FOXP1: variants seen among roughly 807,000 people sequenced by gnomAD.
FOXP1 encodes forkhead box protein P1.
In FOXP1, 15 loss-of-function variants were observed where a neutral mutation model predicts 98.2. The observed-to-expected ratio is 0.15, with a 90% CI of 0.10 to 0.24. The LOEUF (loss-of-function observed/expected upper bound fraction) is 0.24, where lower values mean the gene tolerates loss of function less well. Ranked by LOEUF, FOXP1 falls within the 10% of genes least tolerant of loss-of-function variation. The pLI, the probability that FOXP1 is intolerant of heterozygous loss-of-function variation, is 1.00. For missense variants in FOXP1, 633 were observed against 848.5 expected (o/e 0.75, Z 3.15); for synonymous variants, 371 against 314.5 (o/e 1.18, Z -1.90).
At chr3:71,231,739 C>A (rs2066304569) in intron 5 of FOXP1, among the ~76,000 whole-genome samples, 1 of 152,126 alleles carries the variant, frequency 6.6e-6, no homozygotes. Flanking sequence ...CCCTATTTTT[C>A]TTTTTCATTA....
At chr3:71,466,787 G>A (rs2088796039) in intron 3 of FOXP1, among the ~76,000 whole-genome samples, 1 of 152,166 alleles carries the variant, frequency 6.6e-6, no homozygotes, top group South Asian at 2.1e-4. Context: ...TAGGGCAGGG[G>A]GTTGCATCTT....
At chr3:71,355,726 T>C (rs2078108339) in intron 4 of FOXP1, among the ~76,000 whole-genome samples, 1 of 152,184 alleles carries the variant, frequency 6.6e-6, no homozygotes, top group African/African-American at 2.4e-5. Context: ...TAAGTACTAC[T>C]ATAGGCTGGG....
intron 3 of FOXP1, among the ~76,000 whole-genome samples, chr3:71,366,223 T>C (rs1211853435): frequency 6.6e-6 from 1 of 152,182 alleles, no homozygotes; most frequent in Non-Finnish European, 1.5e-5. Context: ...CCCATTAATG[T>C]TTTATTATAA....
intron 4 of FOXP1, among the ~76,000 whole-genome samples, chr3:71,331,019 T>G (rs1007073573): frequency 3.9e-5 from 6 of 152,232 alleles, no homozygotes; most frequent in African/African-American, 1.4e-4. Context: ...TCGGCCTTGG[T>G]GCCCACTCTG....
intron 7 of FOXP1, among the ~76,000 whole-genome samples, chr3:71,080,871 G>T (rs1017494559): frequency 1.3e-5 from 2 of 152,130 alleles, no homozygotes; most frequent in Non-Finnish European, 2.9e-5. Context: ...CCTTCTTCTG[G>T]CTTAGCAAGC....
At chr3:71,390,548 G>A (rs1376800250) in intron 3 of FOXP1, among the ~76,000 whole-genome samples, 1 of 150,564 alleles carries the variant, frequency 6.6e-6, no homozygotes, top group Admixed American at 6.6e-5. Context: ...CTCATGGATG[G>A]GCGTCAGTAA....
At chr3:71,183,503 AC>A (rs1443042484) in intron 6 of FOXP1, among the ~76,000 whole-genome samples, 2 of 152,172 alleles carry the variant, frequency 1.3e-5, no homozygotes, top group Admixed American at 1.3e-4. Context: ...TGTCTCAAAA[AC>A]AAAACAAAAC....
intron 5 of FOXP1, among the ~76,000 whole-genome samples, chr3:71,218,919 C>G (rs1296826567): frequency 6.6e-6 from 1 of 152,132 alleles, no homozygotes; most frequent in Non-Finnish European, 1.5e-5. Flanking sequence ...GTCCCTTGTT[C>G]CTACAACCTT....
At chr3:71,141,917 A>G (rs1047960612) in intron 6 of FOXP1, among the ~76,000 whole-genome samples, 2 of 152,262 alleles carry the variant, frequency 1.3e-5, no homozygotes, top group Non-Finnish European at 2.9e-5. Flanking sequence ...AAGGAGCAGA[A>G]AGAAGGTTCA....
chr3:71,350,488 T>A (rs2077705470), intron 4 of FOXP1, among the ~76,000 whole-genome samples: 1 of 152,194 alleles, frequency 6.6e-6, no homozygotes, highest in African/African-American at 2.4e-5. Context: ...AAAGCAAGCA[T>A]CTTGCCTTAG....
rs2061993991 is a variant in FOXP1 at position 71,177,200 on chromosome 3, C to T, written c.180+21002G>A. The stretch of plus-strand genomic sequence containing the variant: ...TGTTCACTGGAAGGACACACTGCAA[C>T]AGGTGTGAAGCAGGACTCTCTCCCG... On this transcript the variant is annotated intron_variant, in intron 6 of 20. Coordinates refer to ENST00000649528, the MANE Select transcript of FOXP1 (RefSeq NM_001349338.3). 2.0e-5 allele frequency among the ~76,000 whole-genome samples: 3 copies of T among 152,200 alleles called. No homozygotes were observed. In the South Asian group the frequency reaches 6.2e-4, roughly 31 times the overall value.
intron 7 of FOXP1, among the ~76,000 whole-genome samples, chr3:71,059,303 T>G (rs2051144113): frequency 1.3e-5 from 2 of 152,172 alleles, no homozygotes; most frequent in Admixed American, 1.3e-4. Flanking sequence ...GAGCTCTTCT[T>G]TTTGTCTTTA....
upstream of FOXP1, chr3:71,583,919 C>G: frequency 3.0e-6 from 3 of 984,446 alleles, no homozygotes; most frequent in Non-Finnish European, 3.6e-6. Context: ...CCCCGCTGGG[C>G]ACTCCAGCGG....
intron 3 of FOXP1, among the ~76,000 whole-genome samples, chr3:71,404,901 T>C (rs559994873): frequency 1.3e-5 from 2 of 152,272 alleles, no homozygotes; most frequent in South Asian, 2.1e-4. Context: ...AGAATCCTCA[T>C]TCCCATGGCT....
chr3:70,955,311 G>A lies in FOXP1; in HGVS notation c.*3936C>T. On this transcript the variant is annotated 3_prime_UTR_variant, in exon 21 of 21. Transcript: ENST00000649528. ...TTTACTAGGTCTGACTGGATGCTGG[G>A]GATGGTGTTAGAGCTGTCCAAAGGT... The A allele has an allele frequency of 4.3e-6, 1 of 232,942 alleles. No homozygotes were observed. The highest frequency in any genetic ancestry group is 2.2e-5 in the African/African-American group (1 of 45,420). 14.4% of individuals were successfully genotyped at this position (232,942 alleles called of 1,614,324 possible). A position where few individuals can be genotyped will look rare whatever the true frequency, so the allele number is the denominator to read the frequency against.
At chr3:71,547,326 C>G (rs765004484) in intron 2 of FOXP1, among the ~76,000 whole-genome samples, 18 of 152,302 alleles carry the variant, frequency 1.2e-4, no homozygotes, top group African/African-American at 4.1e-4. Context: ...CAGGACTAGA[C>G]AGCAGGTTTG....
Position 70,957,979 on chromosome 3 carries a change from G to C in FOXP1, c.*1268C>G, listed in dbSNP as rs1028691497. 8.1e-6 allele frequency: 2 copies of C among 247,052 alleles called. No homozygotes were observed. The highest frequency in any genetic ancestry group is 1.6e-5 in the Non-Finnish European group (2 of 126,592). The allele number at this position is 247,052 out of a possible 1,614,324, so 15.3% of individuals were successfully genotyped here. On this transcript the variant is annotated 3_prime_UTR_variant, in exon 21 of 21. Coordinates refer to ENST00000649528, the MANE Select transcript of FOXP1 (RefSeq NM_001349338.3). ...ACCCCTACTTTCAGGGCAGCTGCTCGGGGAAGCCGGTTTTTTTTTTTGGCC... is the reference window on the plus strand; with the variant it reads ...ACCCCTACTTTCAGGGCAGCTGCTCCGGGAAGCCGGTTTTTTTTTTTGGCC...
chr3:71,499,025 CA>C (rs2041127559), intron 2 of FOXP1, among the ~76,000 whole-genome samples: 1 of 152,158 alleles, frequency 6.6e-6, no homozygotes, highest in Non-Finnish European at 1.5e-5. Context: ...GTTTCCAGAA[CA>C]AAATGCATTG....
At chr3:71,170,267 A>G (rs2061585738) in intron 6 of FOXP1, among the ~76,000 whole-genome samples, 1 of 152,208 alleles carries the variant, frequency 6.6e-6, no homozygotes, top group Non-Finnish European at 1.5e-5. Flanking sequence ...TTAGCGGTAT[A>G]TATCACAACA....
Sources: allele counts gnomAD v4.1 joint callset (sites outside exome capture counted in the v4.1 genomes callset), GRCh38; gene constraint gnomAD v4.1.1; transcripts MANE v1.5; gene names NCBI Gene and HGNC (gene_info 2026-07-23, HGNC 2026-07-21).